USP36: variants seen among roughly 807,000 people sequenced by gnomAD.
The protein encoded by USP36 is ubiquitin specific peptidase 36, also known as ubiquitin carboxyl-terminal hydrolase 36.
A neutral mutation model predicts 111.5 loss-of-function variants in USP36; 59 were observed. That is an observed-to-expected ratio of 0.53 (90% CI 0.43 to 0.66). The LOEUF (loss-of-function observed/expected upper bound fraction) is 0.66, where lower values mean the gene tolerates loss of function less well. Among genes scored for constraint, USP36 ranks in the 30% least tolerant of loss-of-function variants. The probability of loss-of-function intolerance (pLI) is 0.00; values close to 1 mark genes in which losing one functional copy is unlikely to be tolerated. For missense variants in USP36, 1,488 were observed against 1,468.0 expected, an observed-to-expected ratio of 1.01 and a Z score of -0.22; for synonymous variants, 628 against 581.0, an observed-to-expected ratio of 1.08 and a Z score of -1.16.
chr17:78,807,868 T>C (rs2093950455), intron 13 of USP36, among the ~76,000 whole-genome samples: 1 of 152,222 alleles, frequency 6.6e-6, no homozygotes, highest in African/African-American at 2.4e-5. Context: ...CACACCTGGC[T>C]AATTTCTGTA....
chr17:78,799,117 T>A, intron 18 of USP36, 94 bp from the exon 19 acceptor site: 2 of 1,233,236 alleles, frequency 1.6e-6, no homozygotes, highest in Non-Finnish European at 2.3e-6. Flanking sequence ...AGTCTACTCA[T>A]AATTAGTCAA....
At chr17:78,806,086 T>C (rs2093891629) in intron 15 of USP36, 70 bp downstream of exon 15, 1 of 1,605,236 alleles carries the variant, frequency 6.2e-7, no homozygotes, top group African/African-American at 1.3e-5. Context: ...GTCCAACTCC[T>C]CACCAGCCAA....
rs965340361 is a variant in USP36, at chr17:78,795,964, T to C, written c.*1936A>G. ...TACATACGTGTACAAGACCTAGAGT[T>C]TGAACTCGTTTTCTGGGCCTCATCT... On this transcript the variant is annotated 3_prime_UTR_variant, in exon 21 of 21. Transcript: ENST00000449938. This position sits in a 1 kb window ranked among gnomAD's most constrained non-coding sequence, Gnocchi z 4.5. 2 of 152,166 alleles carry C rather than the reference T, an allele frequency of 1.3e-5. No individual in the cohort carries two copies. The highest frequency in any genetic ancestry group is 2.9e-5 in the Non-Finnish European group (2 of 68,026). The allele number at this position is 152,166 out of a possible 1,614,324, so 9.4% of individuals were successfully genotyped here.
At chr17:78,823,605 G>GGTGATTT (rs1567956508) in intron 6 of USP36, among the ~76,000 whole-genome samples, 3 of 152,142 alleles carry the variant, frequency 2.0e-5, no homozygotes, top group African/African-American at 7.2e-5. Context: ...AGCTGCAAAG[G>GGTGATTT]GCACCCTGAA....
At position 78,828,972 on chromosome 17, in the gene USP36, G is replaced by A; in HGVS notation, c.511C>T (p.Gln171Ter). The A allele has an allele frequency of 6.2e-7, 1 of 1,614,100 alleles. No individual in the cohort carries two copies. Among genetic ancestry groups the A allele is most frequent in the Non-Finnish European group, 8.5e-7 (1 of 1,180,012 alleles). ...GCGAAGGCCTGGACAATGTGGTTCT[G>A]CATGACACACAGCATGCAGAAGCTT... The part of the protein sequence containing the change: ...QGSFCMLCVM[Q>*]NHIVQAFANS... The change falls in exon 5 of 21, where the codon CAG becomes TAG. Residue 171 changes from glutamine to a stop codon, truncating the protein, a stop_gained. Transcript: ENST00000449938. LOFTEE classifies it high-confidence loss of function.
At chr17:78,811,580 T>G (rs1395186966) in intron 13 of USP36, among the ~76,000 whole-genome samples, 2 of 151,996 alleles carry the variant, frequency 1.3e-5, no homozygotes, top group Non-Finnish European at 2.9e-5. Context: ...CCGTTAAATG[T>G]GAGAACAGGC....
Position 78,807,447 on chromosome 17 carries a change from C to G in USP36, c.1597G>C (p.Gly533Arg). 1 of 1,614,074 alleles carries G rather than the reference C, an allele frequency of 6.2e-7. No homozygotes were observed. The highest frequency in any genetic ancestry group is 8.5e-7 in the Non-Finnish European group (1 of 1,179,986). ...THMPTILDDP[G>R]KKVKKPAPPQ... Reference sequence around the variant, plus strand: ...GGAGCTGGCTTCTTCACCTTCTTTCCAGGGTCGTCTAGGATGGTTGGCATG... The same window carrying G: ...GGAGCTGGCTTCTTCACCTTCTTTCGAGGGTCGTCTAGGATGGTTGGCATG... Residue 533 changes from glycine (G) to arginine (R), a missense_variant, in exon 14 of 21, where the codon GGA becomes CGA. By Grantham distance (125) the Gly-to-Arg change is moderately radical. Around this residue, in one of 3 missense-constraint regions of USP36, gnomAD observed 1,073 missense variants for 994.1 expected, o/e 1.08. Coordinates refer to ENST00000449938, the MANE Select transcript of USP36 (RefSeq NM_001385174.1).
Position 78,798,800 on chromosome 17 carries a change from C to A in USP36, c.3240+108G>T. On this transcript the variant is annotated intron_variant, in intron 19 of 20. Transcript: ENST00000449938. This position sits in a 1 kb window ranked among gnomAD's most constrained non-coding sequence, Gnocchi z 5.1. Reference sequence around the variant, plus strand: ...CAGGCCTGGGCAGCCTGGCTCTTCTCATGCTCGGCCGCTTCATGCCACTGC... The same window carrying A: ...CAGGCCTGGGCAGCCTGGCTCTTCTAATGCTCGGCCGCTTCATGCCACTGC... 7.1e-7 allele frequency: 1 copy of A among 1,399,716 alleles called. No homozygotes were observed. The allele number at this position is 1,399,716 out of a possible 1,614,324, so 86.7% of individuals were successfully genotyped here.
intron 6 of USP36, among the ~76,000 whole-genome samples, chr17:78,822,687 T>G (rs1364291352): frequency 5.3e-5 from 8 of 152,190 alleles, no homozygotes; most frequent in Non-Finnish European, 7.4e-5. Flanking sequence ...CACGCCTACG[T>G]ATCCATATGG....
intron 15 of USP36, among the ~76,000 whole-genome samples, chr17:78,804,872 T>C (rs2093856336): frequency 6.6e-6 from 1 of 152,160 alleles, no homozygotes; most frequent in Non-Finnish European, 1.5e-5. Flanking sequence ...CGTGAGGATT[T>C]ATTTTCCAAC....
chr17:78,836,435 T>G (rs1395361156), intron 2 of USP36, 63 bp from the exon 3 acceptor site: 1 of 1,566,962 alleles, frequency 6.4e-7, no homozygotes, highest in Non-Finnish European at 8.6e-7. Context: ...AAACATCTCT[T>G]AAGATCTCCT....
chr17:78,839,364 A>G (rs1030956962), intron 1 of USP36, among the ~76,000 whole-genome samples: 9 of 152,196 alleles, frequency 5.9e-5, no homozygotes, highest in Admixed American at 2.6e-4. Flanking sequence ...TCTCAGACCT[A>G]TGACTTCATC....
At chr17:78,832,279 G>A (rs1016696726) in intron 4 of USP36, among the ~76,000 whole-genome samples, 4 of 152,128 alleles carry the variant, frequency 2.6e-5, no homozygotes, top group Non-Finnish European at 5.9e-5. Context: ...GTGGACCCTC[G>A]TCAGAACAAA....
chr17:78,817,257 T>C (rs150038138), intron 10 of USP36, among the ~76,000 whole-genome samples: 9 of 152,324 alleles, frequency 5.9e-5, no homozygotes, highest in African/African-American at 1.7e-4. Context: ...AGTGACAGAA[T>C]TGCCTGGTGA....
At chr17:78,799,168 G>C in intron 18 of USP36, 145 bp from the exon 19 acceptor site, 1 of 806,408 alleles carries the variant, frequency 1.2e-6, no homozygotes. Context: ...AAGGACAAGA[G>C]GAGGACGGCT....
chr17:78,831,778 C>T (rs909159346), intron 4 of USP36, among the ~76,000 whole-genome samples: 1 of 151,544 alleles, frequency 6.6e-6, no homozygotes, highest in African/African-American at 2.4e-5. Flanking sequence ...CAAATCTCTA[C>T]CCAAAGAATA....
chr17:78,822,555 G>A (rs2094354831), intron 6 of USP36, among the ~76,000 whole-genome samples: 1 of 152,150 alleles, frequency 6.6e-6, no homozygotes, highest in Non-Finnish European at 1.5e-5. Flanking sequence ...GTCAGACGTG[G>A]GCTTCGGGGT....
In USP36 at chr17:78,806,305, A is replaced by G. The variant is rs375531154; in HGVS notation, c.2086-19T>C. On this transcript the variant is annotated intron_variant, in intron 14 of 20. Transcript: ENST00000449938. ...TGCTGGCCTGCAGTTATCGACATAA[A>G]TAAAAACTTGGTGGTCTAAAAAAGG... 132 of 1,613,386 alleles carry G rather than the reference A, an allele frequency of 8.2e-5. No homozygotes were observed. Among genetic ancestry groups the G allele is most frequent in the Non-Finnish European group, 1.0e-4 (121 of 1,179,884 alleles).
chr17:78,835,144 G>A lies in USP36; in HGVS notation c.475+136C>T, dbSNP rs551589927. ...CTGCAGCAGGCATGATTCAAATTTA[G>A]GTTTCATCAGTTACTATACATTATG... On this transcript the variant is annotated intron_variant, in intron 4 of 20. Coordinates refer to ENST00000449938, the MANE Select transcript of USP36 (RefSeq NM_001385174.1). 9.0e-6 allele frequency: 8 copies of A among 889,126 alleles called. No homozygotes were observed. In the East Asian group the frequency reaches 1.6e-4, roughly 18 times the overall value. 55.1% of individuals were successfully genotyped at this position (889,126 alleles called of 1,614,324 possible). A position where few individuals can be genotyped will look rare whatever the true frequency, so the allele number is the denominator to read the frequency against.
Sources: gnomAD v4.1 joint callset for allele counts (sites outside exome capture counted in the v4.1 genomes callset) on GRCh38, gnomAD v4.1.1 for gene constraint, gnomAD v4.1.1 regional missense constraint, Gnocchi (gnomAD v3.1) non-coding constraint, MANE v1.5 for transcripts, NCBI Gene and HGNC (gene_info 2026-07-23, HGNC 2026-07-21) for gene names.